The following CCDC30 variants were observed in gnomAD, a reference collection of about 807,000 sequenced individuals.
CCDC30 encodes the protein coiled-coil domain-containing protein 30.
In CCDC30, 70 loss-of-function variants were observed where a neutral mutation model predicts 100.2. That is an observed-to-expected ratio of 0.70 (90% CI 0.58 to 0.85). The LOEUF (loss-of-function observed/expected upper bound fraction) is 0.85. CCDC30 is among the 40% of genes least tolerant of loss of function. The pLI, the probability that CCDC30 is intolerant of heterozygous loss-of-function variation, is 0.00. For synonymous variants in CCDC30, 233 were observed against 269.5 expected (o/e 0.86, Z 1.33); for missense variants, 652 against 771.2 (o/e 0.85, Z 1.83).
At chr1:42,605,671 G>A (rs968567054) in intron 10 of CCDC30, among the ~76,000 whole-genome samples, 6 of 151,962 alleles carry the variant, frequency 3.9e-5, no homozygotes, top group Admixed American at 1.3e-4. Flanking sequence ...ATTGCATGTA[G>A]AGACAGAGTT....
chr1:42,529,917 A>G (rs1259937930), intron 6 of CCDC30, among the ~76,000 whole-genome samples: 1 of 152,222 alleles, frequency 6.6e-6, no homozygotes, highest in Non-Finnish European at 1.5e-5. Context: ...TTAAATGCAA[A>G]ATTCCATAAA....
intron 3 of CCDC30, 29 bp from the exon 4 acceptor site, chr1:42,490,129 T>C (rs1245209185): frequency 1.2e-6 from 1 of 866,988 alleles, no homozygotes; most frequent in African/African-American, 1.7e-5. Context: ...CATTTGTTCC[T>C]TATACAAATA....
At chr1:42,472,614 A>G (rs1261909564) in intron 1 of CCDC30, among the ~76,000 whole-genome samples, 1 of 152,192 alleles carries the variant, frequency 6.6e-6, no homozygotes, top group Non-Finnish European at 1.5e-5. Flanking sequence ...CTTTTCAGAT[A>G]AAAGTTGCAA....
rs569670795 is a variant in CCDC30 at position 42,555,691 on chromosome 1, A to AT, written c.457-10599dup. Among the ~76,000 whole-genome samples, 41 of 152,146 alleles carry AT rather than the reference A, an allele frequency of 2.7e-4. No individual in the cohort carries two copies. In the East Asian group the frequency reaches 7.5e-3, roughly 28 times the overall value. ...GTGACTCATCTGTGGGTTTTCTTTT[A>AT]TTTTTTATTTTTTGAGACACAGTCT... On this transcript the variant is annotated intron_variant, in intron 6 of 16. Coordinates refer to ENST00000668663, the Ensembl canonical transcript of CCDC30.
chr1:42,504,650 A>G (rs1366396426), intron 6 of CCDC30, among the ~76,000 whole-genome samples: 2 of 152,198 alleles, frequency 1.3e-5, no homozygotes, highest in African/African-American at 2.4e-5. Context: ...GTATAAAAGG[A>G]TAAGTGGCAT....
chr1:42,502,865 C>G (rs1644342107), intron 6 of CCDC30, among the ~76,000 whole-genome samples: 5 of 152,108 alleles, frequency 3.3e-5, no homozygotes, highest in Non-Finnish European at 7.4e-5. Context: ...TGAATTAGTA[C>G]TTTATCCCTT....
At chr1:42,460,761 A>G (rs1643389457), upstream of CCDC30, among the ~76,000 whole-genome samples, 1 of 152,236 alleles carries the variant, frequency 6.6e-6, no homozygotes, top group Admixed American at 6.5e-5. Context: ...CAGTGTCCAC[A>G]TGCATAAAAT....
At chr1:42,636,703 C>T (rs117168292) in intron 11 of CCDC30, among the ~76,000 whole-genome samples, 1 of 151,698 alleles carries the variant, frequency 6.6e-6, no homozygotes, top group East Asian at 2.0e-4. Context: ...TGCGGTAGCT[C>T]ATGCCTGTAA....
chr1:42,566,476 G>C lies in CCDC30; in HGVS notation c.636+1G>C, dbSNP rs1022835261. On this transcript the variant is annotated splice_donor_variant, in intron 7 of 16. Transcript: ENST00000668663. LOFTEE classifies it high-confidence loss of function. ...CTTACTTCAGGAAGAAAACATTAAG[G>C]TAACTCTTGTGGGCAAATGCTTTAT... 1 of 1,611,796 alleles carries C rather than the reference G, an allele frequency of 6.2e-7. No individual in the cohort carries two copies.
Position 42,498,815 on chromosome 1 carries a change from A to G in CCDC30, c.358-3A>G. The G allele has an allele frequency of 8.2e-7, 1 of 1,226,958 alleles. No homozygotes were observed. Among genetic ancestry groups the G allele is most frequent in the Non-Finnish European group, 1.0e-6 (1 of 981,382 alleles). 76.0% of individuals were successfully genotyped at this position (1,226,958 alleles called of 1,614,324 possible). On this transcript the variant is annotated splice_polypyrimidine_tract_variant and splice_region_variant and intron_variant, in intron 5 of 16. Transcript: ENST00000668663. Reference sequence around the variant, plus strand: ...CTACAAGGTGTTTACTTTTGTATTTAAGGTTGAAAGACTTAAAGGAGAGGT... The same window carrying G: ...CTACAAGGTGTTTACTTTTGTATTTGAGGTTGAAAGACTTAAAGGAGAGGT...
chr1:42,560,351 AG>A lies in CCDC30; in HGVS notation c.457-5944del, dbSNP rs1645461080. 2.6e-5 allele frequency among the ~76,000 whole-genome samples: 4 copies of A among 152,012 alleles called. 1 individual carries two copies. In the South Asian group the frequency reaches 8.3e-4, roughly 32 times the overall value. ...CTCTCTAAAAATCAATGAATCCTGG[AG>A]CTGTTTTTATTGTTGTTGTTGTTGT... On this transcript the variant is annotated intron_variant, in intron 6 of 16. Coordinates refer to ENST00000668663, the Ensembl canonical transcript of CCDC30.
intron 6 of CCDC30, among the ~76,000 whole-genome samples, chr1:42,516,571 C>CAAAA (rs61638436): frequency 6.9e-5 from 7 of 102,136 alleles, no homozygotes; most frequent in Non-Finnish European, 1.3e-4. Flanking sequence ...GACTCCATCT[C>CAAAA]AAAAAAAAAA....
intron 6 of CCDC30, chr1:42,510,286 G>A (rs1231793996): frequency 7.6e-6 from 2 of 263,338 alleles, no homozygotes; most frequent in Non-Finnish European, 1.2e-5. Context: ...TGTCTGCGGA[G>A]CTGCCTGGTT....
At chr1:42,566,699 C>T (rs1030071155) in intron 7 of CCDC30, among the ~76,000 whole-genome samples, 1 of 152,112 alleles carries the variant, frequency 6.6e-6, no homozygotes, top group Non-Finnish European at 1.5e-5. Flanking sequence ...CTTCTGAAAA[C>T]ACTATCTAAA....
At chr1:42,500,538 C>A (rs987288082) in intron 6 of CCDC30, among the ~76,000 whole-genome samples, 1 of 151,976 alleles carries the variant, frequency 6.6e-6, no homozygotes, top group Non-Finnish European at 1.5e-5. Context: ...CTCAGCTTCC[C>A]GAGTAGCTGG....
chr1:42,606,022 A>G (rs1043004044), intron 10 of CCDC30, among the ~76,000 whole-genome samples: 4 of 152,180 alleles, frequency 2.6e-5, no homozygotes, highest in Non-Finnish European at 5.9e-5. Flanking sequence ...AAAGTTAGGC[A>G]CGTTGTGAAA....
At position 42,653,365 on chromosome 1, in the gene CCDC30, T is replaced by C; in HGVS notation, c.1855-11T>C. Reference sequence around the variant, plus strand: ...TATAACTTTTCACATTCATCCTTTCTTTCCTTTTAGGAAACAACAATTAGT... The same window carrying C: ...TATAACTTTTCACATTCATCCTTTCCTTCCTTTTAGGAAACAACAATTAGT... On this transcript the variant is annotated splice_polypyrimidine_tract_variant and intron_variant, in intron 15 of 16. Transcript: ENST00000668663. The C allele has an allele frequency of 6.4e-7, 1 of 1,570,878 alleles. No individual in the cohort carries two copies. The highest frequency in any genetic ancestry group is 8.7e-7 in the Non-Finnish European group (1 of 1,144,818).
At chr1:42,642,325 T>A (rs1647521979) in intron 12 of CCDC30, 148 bp from the exon 17 acceptor site, 1 of 549,568 alleles carries the variant, frequency 1.8e-6, no homozygotes, top group Admixed American at 3.3e-5. Context: ...TGAATGACAA[T>A]GTCAGCAAAC....
At chr1:42,602,429 G>A (rs1333165790) in intron 10 of CCDC30, among the ~76,000 whole-genome samples, 1 of 152,042 alleles carries the variant, frequency 6.6e-6, no homozygotes, top group East Asian at 1.9e-4. Context: ...GAGGACATAA[G>A]TTACAAATTA....
Sources: gnomAD v4.1 joint callset for allele counts (sites outside exome capture counted in the v4.1 genomes callset) on GRCh38, gnomAD v4.1.1 for gene constraint, MANE v1.5 for transcripts, NCBI Gene and HGNC (gene_info 2026-07-23, HGNC 2026-07-21) for gene names.